Variants in FMN1 observed in about 807,000 individuals in gnomAD.
FMN1 encodes formin-1.
In FMN1, 110 loss-of-function variants were observed where a neutral mutation model predicts 132.4. That is an observed-to-expected ratio of 0.83 (90% CI 0.71 to 0.97). FMN1 has a LOEUF of 0.97. Among genes scored for constraint, FMN1 ranks in the 50% least tolerant of loss-of-function variants. The pLI, the probability that FMN1 is intolerant of heterozygous loss-of-function variation, is 0.00. For missense variants in FMN1, 1,792 were observed against 1,705.3 expected (o/e 1.05, Z -0.90); for synonymous variants, 722 against 651.7 (o/e 1.11, Z -1.64).
chr15:32,893,857 C>T (rs980602609), intron 15 of FMN1, among the ~76,000 whole-genome samples: 1 of 152,232 alleles, frequency 6.6e-6, no homozygotes, highest in Non-Finnish European at 1.5e-5. Context: ...ATATTTCAGC[C>T]TTCCCACACA....
intron 6 of FMN1, among the ~76,000 whole-genome samples, chr15:33,030,932 C>A (rs919133321): frequency 2.6e-5 from 4 of 152,166 alleles, no homozygotes; most frequent in African/African-American, 9.6e-5. Context: ...ATGAACCGGT[C>A]ATCTACATTG....
chr15:32,892,113 T>C (rs560012966), intron 15 of FMN1, among the ~76,000 whole-genome samples: 3 of 152,082 alleles, frequency 2.0e-5, no homozygotes, highest in Admixed American at 6.5e-5. Context: ...GTGGCGAGAG[T>C]GGGCATCCTT....
intron 9 of FMN1, among the ~76,000 whole-genome samples, chr15:32,955,558 C>A (rs1246802429): frequency 6.6e-6 from 1 of 152,194 alleles, no homozygotes; most frequent in African/African-American, 2.4e-5. Context: ...AACCCCGTAA[C>A]AGAATCTCAG....
intron 19 of FMN1, among the ~76,000 whole-genome samples, chr15:32,777,262 A>C (rs930494400): frequency 6.6e-6 from 1 of 152,046 alleles, no homozygotes; most frequent in African/African-American, 2.4e-5. Flanking sequence ...GCAGATAATG[A>C]GATGATTTTG....
intron 19 of FMN1, among the ~76,000 whole-genome samples, chr15:32,793,774 T>C (rs764636831): frequency 6.6e-6 from 1 of 152,200 alleles, no homozygotes; most frequent in Non-Finnish European, 1.5e-5. Context: ...ATACAAGTCA[T>C]TTAACTACAT....
At chr15:33,063,706 T>C (rs1373729155) in intron 6 of FMN1, 1 of 152,168 alleles carries the variant, frequency 6.6e-6, no homozygotes, top group Non-Finnish European at 1.5e-5. Flanking sequence ...GTTTAGGAAA[T>C]TTTCCATTCA....
At chr15:32,863,364 G>A (rs1464006791) in intron 16 of FMN1, among the ~76,000 whole-genome samples, 5 of 152,184 alleles carry the variant, frequency 3.3e-5, no homozygotes, top group African/African-American at 1.2e-4. Flanking sequence ...AACCCGGGAG[G>A]CGGAGCTTGC....
At chr15:32,781,673 T>C (rs2056668611) in intron 19 of FMN1, among the ~76,000 whole-genome samples, 4 of 152,224 alleles carry the variant, frequency 2.6e-5, no homozygotes, top group African/African-American at 9.6e-5. Context: ...TTACTTATCT[T>C]ACCTTTTCAG....
chr15:32,922,524 G>A (rs1007233055), intron 10 of FMN1, among the ~76,000 whole-genome samples: 1 of 152,146 alleles, frequency 6.6e-6, no homozygotes, highest in African/African-American at 2.4e-5. Context: ...CTTCCTGAAT[G>A]GAGAGTGTAG....
chr15:33,034,199 A>C (rs997780870), intron 6 of FMN1, among the ~76,000 whole-genome samples: 14 of 152,136 alleles, frequency 9.2e-5, no homozygotes, highest in Admixed American at 3.9e-4. Context: ...TTGACATCTC[A>C]AGTTTAACAT....
chr15:33,157,239 T>C (rs1255660321), intron 3 of FMN1, among the ~76,000 whole-genome samples: 2 of 140,980 alleles, frequency 1.4e-5, no homozygotes, highest in Non-Finnish European at 3.0e-5. Context: ...CACTCCAGCC[T>C]GGTGACAGAG....
At chr15:32,973,518 A>C (rs114024831) in intron 7 of FMN1, among the ~76,000 whole-genome samples, 2,506 of 152,078 alleles carry the variant, frequency 0.016, 71 homozygotes, top group African/African-American at 0.053. Context: ...AATATGCTGC[A>C]ATGATAGTAA....
chr15:33,060,771 A>G (rs1469871984), intron 6 of FMN1, among the ~76,000 whole-genome samples: 1 of 152,214 alleles, frequency 6.6e-6, no homozygotes, highest in African/African-American at 2.4e-5. Context: ...CATATGCACA[A>G]TTCAACTCAG....
chr15:33,126,597 C>G (rs1337016728), intron 4 of FMN1, among the ~76,000 whole-genome samples: 3 of 142,126 alleles, frequency 2.1e-5, no homozygotes, highest in Non-Finnish European at 3.1e-5. Flanking sequence ...TTCAATAGAC[C>G]AGAAAGAAGA....
chr15:33,029,640 T>C (rs957723009), intron 6 of FMN1, among the ~76,000 whole-genome samples: 1 of 152,042 alleles, frequency 6.6e-6, no homozygotes, highest in Admixed American at 6.5e-5. Context: ...ATGGCTGCTA[T>C]AGAAGGCAAT....
chr15:33,069,993 C>CTT (rs1171369156), intron 5 of FMN1, among the ~76,000 whole-genome samples: 1,390 of 74,288 alleles, frequency 0.019, 120 homozygotes, highest in Non-Finnish European at 0.025. Context: ...CAGTCTTTCT[C>CTT]TTTTTTTTTT....
intron 5 of FMN1, among the ~76,000 whole-genome samples, chr15:33,080,434 C>A (rs986634779): frequency 6.6e-6 from 1 of 152,152 alleles, no homozygotes; most frequent in Non-Finnish European, 1.5e-5. Flanking sequence ...ACTGCTAGTG[C>A]ATTTAATTAT....
intron 16 of FMN1, among the ~76,000 whole-genome samples, chr15:32,878,221 A>G (rs551776608): frequency 3.9e-5 from 6 of 152,122 alleles, no homozygotes; most frequent in Non-Finnish European, 5.9e-5. Flanking sequence ...GAACACAAAG[A>G]AGGCCCGTGT....
At chr15:32,946,884 C>T (rs1056359767) in intron 9 of FMN1, among the ~76,000 whole-genome samples, 6 of 152,176 alleles carry the variant, frequency 3.9e-5, no homozygotes, top group African/African-American at 1.4e-4. Flanking sequence ...CCATCTACTA[C>T]AATCAGGTAG....
Sources: gnomAD v4.1 joint callset for allele counts (sites outside exome capture counted in the v4.1 genomes callset) on GRCh38, gnomAD v4.1.1 for gene constraint, MANE v1.5 for transcripts, NCBI Gene and HGNC (gene_info 2026-07-23, HGNC 2026-07-21) for gene names.